Variants in MYO9A observed in about 807,000 individuals in gnomAD.
MYO9A encodes myosin IXA.
MYO9A carries 103 observed loss-of-function variants against 293.3 expected under a neutral mutation model. That is an observed-to-expected ratio of 0.35 (90% CI 0.30 to 0.41). The LOEUF (loss-of-function observed/expected upper bound fraction) is 0.41, where lower values mean the gene tolerates loss of function less well. Among genes scored for constraint, MYO9A ranks in the 10% least tolerant of loss-of-function variants. MYO9A has a pLI of 1.00. For missense variants in MYO9A, 2,685 were observed against 3,033.0 expected, an observed-to-expected ratio of 0.89 and a Z score of 2.69; for synonymous variants, 1,001 against 1,035.7, an observed-to-expected ratio of 0.97 and a Z score of 0.64.
At chr15:72,099,425 A>C (rs78666580) in intron 1 of MYO9A, among the ~76,000 whole-genome samples, 1 of 144,580 alleles carries the variant, frequency 6.9e-6, no homozygotes. Context: ...CCTGCCCCAA[A>C]AAAAAAAAAA....
At position 71,904,591 on chromosome 15, in the gene MYO9A, T is replaced by C. The variant is rs532472310; in HGVS notation, c.2766+335A>G. Among the ~76,000 whole-genome samples, 219 of 152,282 alleles carry C rather than the reference T, an allele frequency of 1.4e-3. 1 individual carries two copies. Among genetic ancestry groups the C allele is most frequent in the African/African-American group, 4.8e-3 (200 of 41,564 alleles). ...CTGCTTGAAACCAGGAGGCGGAGAT[T>C]ACAGTGAGCTGAGATCATGCCACTG... On this transcript the variant is annotated intron_variant, in intron 20 of 41. Transcript: ENST00000356056.
intron 1 of MYO9A, among the ~76,000 whole-genome samples, chr15:72,082,274 T>C (rs1367236578): frequency 6.6e-6 from 1 of 152,204 alleles, no homozygotes; most frequent in Admixed American, 6.5e-5. Context: ...AGGTATTTTA[T>C]TCCTTTTGTG....
chr15:71,917,186 C>G (rs1240893694), intron 18 of MYO9A, among the ~76,000 whole-genome samples: 1 of 152,196 alleles, frequency 6.6e-6, no homozygotes, highest in African/African-American at 2.4e-5. Flanking sequence ...TCAATCCTGA[C>G]TCACAGAGAC....
In MYO9A at chr15:71,830,283, TAG is replaced by T. The variant is rs1567176106; in HGVS notation, c.6864_6865del (p.Asn2288LysfsTer17). The stretch of plus-strand genomic sequence containing the variant: ...TACAACAGGAGACGATGGACCTGGA[TAG>T]TTTCCTCGACGAATACGCCCCTTTC... On this transcript the variant is annotated frameshift_variant, in exon 40 of 42. Coordinates refer to ENST00000356056, the MANE Select transcript of MYO9A (RefSeq NM_006901.4). LOFTEE classifies it high-confidence loss of function. The T allele has an allele frequency of 6.2e-7, 1 of 1,613,794 alleles. No homozygotes were observed. Among genetic ancestry groups the T allele is most frequent in the South Asian group, 1.1e-5 (1 of 90,998 alleles).
chr15:72,046,033 G>A lies in MYO9A; in HGVS notation c.531C>T (p.Thr177=). ...RNRFKHEKIY[T]YVGSILIVIN... ...TAACTATTAGAATACTGCCAACATAGGTATAAATTTTTTCATGCTTAAAGC... is the reference window on the plus strand; with the variant it reads ...TAACTATTAGAATACTGCCAACATAAGTATAAATTTTTTCATGCTTAAAGC... The change falls in exon 2 of 42, where the codon ACC becomes ACT. Residue 177 remains threonine (T), a synonymous_variant. Coordinates refer to ENST00000356056, the MANE Select transcript of MYO9A (RefSeq NM_006901.4). The A allele has an allele frequency of 6.2e-7, 1 of 1,613,360 alleles. No homozygotes were observed. The highest frequency in any genetic ancestry group is 8.5e-7 in the Non-Finnish European group (1 of 1,179,778).
intron 11 of MYO9A, among the ~76,000 whole-genome samples, chr15:71,980,942 A>G (rs1353888553): frequency 1.3e-5 from 2 of 152,236 alleles, no homozygotes; most frequent in Non-Finnish European, 2.9e-5. Context: ...ATAAGATATT[A>G]GCTGTATTTT....
In MYO9A at chr15:71,941,839, T is replaced by G. The variant is rs148148303; in HGVS notation, c.2303-2912A>C. Among the ~76,000 whole-genome samples the G allele has an allele frequency of 1.6e-3, 239 of 152,208 alleles. 1 individual carries two copies. The highest frequency in any genetic ancestry group is 5.0e-3 in the African/African-American group (209 of 41,548). On this transcript the variant is annotated intron_variant, in intron 15 of 41. Transcript: ENST00000356056. The stretch of plus-strand genomic sequence containing the variant: ...TGAGTAATCATCACAAATAAAGCCC[T>G]AAGAACATGGAACATCTTTAAAATG...
At chr15:72,104,289 T>C (rs1176717626) in intron 1 of MYO9A, among the ~76,000 whole-genome samples, 1 of 152,174 alleles carries the variant, frequency 6.6e-6, no homozygotes, top group Non-Finnish European at 1.5e-5. Flanking sequence ...GCTAAGCTAT[T>C]ATATTTGGTA....
At chr15:71,933,771 G>A (rs1030832551) in intron 17 of MYO9A, 62 bp from the exon 18 acceptor site, 30 of 1,381,896 alleles carry the variant, frequency 2.2e-5, no homozygotes, top group African/African-American at 8.8e-5. Flanking sequence ...AAAAGCTACT[G>A]TAGAGAAGAA....
At chr15:71,994,617 G>T in intron 9 of MYO9A, 32 bp from the exon 10 acceptor site, 1 of 1,321,386 alleles carries the variant, frequency 7.6e-7, no homozygotes, top group Non-Finnish European at 1.1e-6. Flanking sequence ...AGTGCATGTA[G>T]AATTGACAAT....
intron 11 of MYO9A, among the ~76,000 whole-genome samples, chr15:71,988,541 G>T (rs1596328228): frequency 6.6e-6 from 1 of 152,036 alleles, no homozygotes; most frequent in South Asian, 2.1e-4. Flanking sequence ...AGTTGGCCAG[G>T]ACTAATATTG....
intron 1 of MYO9A, among the ~76,000 whole-genome samples, chr15:72,057,602 G>C (rs1359109322): frequency 2.6e-5 from 4 of 152,200 alleles, no homozygotes. Context: ...CTTAGCCACA[G>C]TGGCTGACTA....
intron 6 of MYO9A, among the ~76,000 whole-genome samples, chr15:72,016,028 A>G (rs1473452187): frequency 5.3e-5 from 8 of 152,138 alleles, no homozygotes; most frequent in Non-Finnish European, 8.8e-5. Flanking sequence ...ATCAGCCAAC[A>G]TATTACCAGT....
At chr15:71,960,251 G>T in intron 13 of MYO9A, 155 bp from the exon 14 acceptor site, 1 of 633,384 alleles carries the variant, frequency 1.6e-6, no homozygotes, top group Non-Finnish European at 2.7e-6. Context: ...GGAGGTGTTT[G>T]GGTCATGGAG....
chr15:72,097,371 C>A (rs1014590496), intron 1 of MYO9A, among the ~76,000 whole-genome samples: 1 of 152,170 alleles, frequency 6.6e-6, no homozygotes, highest in African/African-American at 2.4e-5. Flanking sequence ...CTCAGATGAC[C>A]GATGACCGTT....
chr15:72,102,999 T>G (rs2080411567), intron 1 of MYO9A, among the ~76,000 whole-genome samples: 1 of 150,862 alleles, frequency 6.6e-6, no homozygotes, highest in Non-Finnish European at 1.5e-5. Context: ...CTTTGTTTTT[T>G]GAGATGGAAT....
chr15:71,863,375 TATTC>T (rs1422108256), intron 32 of MYO9A, among the ~76,000 whole-genome samples: 3 of 152,200 alleles, frequency 2.0e-5, no homozygotes, highest in African/African-American at 7.2e-5. Context: ...TTAAAGTATA[TATTC>T]ATTAATTTAT....
chr15:71,909,666 A>G (rs2144317050), intron 19 of MYO9A, among the ~76,000 whole-genome samples: 1 of 152,334 alleles, frequency 6.6e-6, no homozygotes, highest in East Asian at 1.9e-4. Context: ...ATTACAATAT[A>G]CAAACCTAAC....
Position 71,823,278 on chromosome 15 carries a change from G to C in MYO9A, c.*3302C>G, listed in dbSNP as rs894639841. ...CACTGAGGTGGGACTACAGAACCTT[G>C]CTGGACCACATCTTTTCAGCACATT... On this transcript the variant is annotated 3_prime_UTR_variant, in exon 42 of 42. Coordinates refer to ENST00000356056, the MANE Select transcript of MYO9A (RefSeq NM_006901.4). The C allele has an allele frequency of 6.6e-6, 1 of 152,212 alleles. No homozygotes were observed. The highest frequency in any genetic ancestry group is 1.5e-5 in the Non-Finnish European group (1 of 68,042). 9.4% of individuals were successfully genotyped at this position (152,212 alleles called of 1,614,324 possible). A position where few individuals can be genotyped will look rare whatever the true frequency, so the allele number is the denominator to read the frequency against.
Sources: gnomAD v4.1 joint callset for allele counts (sites outside exome capture counted in the v4.1 genomes callset) on GRCh38, gnomAD v4.1.1 for gene constraint, MANE v1.5 for transcripts, NCBI Gene and HGNC (gene_info 2026-07-23, HGNC 2026-07-21) for gene names.